GLCCI1: variants seen among roughly 807,000 people sequenced by gnomAD.
GLCCI1 encodes glucocorticoid-induced transcript 1 protein.
GLCCI1 carries 24 observed loss-of-function variants against 52.2 expected under a neutral mutation model. The ratio of observed to expected loss-of-function variants is 0.46; its 90% CI spans 0.33 to 0.65. The LOEUF is 0.65. Ranked by LOEUF, GLCCI1 falls within the 30% of genes least tolerant of loss-of-function variation. GLCCI1 has a pLI of 0.02. For missense variants in GLCCI1, 704 were observed against 701.5 expected (o/e 1.00, Z -0.04); for synonymous variants, 310 against 276.5 (o/e 1.12, Z -1.20).
chr7:8,077,452 A>C (rs1435237942), intron 6 of GLCCI1, among the ~76,000 whole-genome samples: 1 of 152,168 alleles, frequency 6.6e-6, no homozygotes. Context: ...AGATAGACCC[A>C]AACTTAGTGA....
At chr7:8,016,454 G>A (rs754283457) in intron 2 of GLCCI1, among the ~76,000 whole-genome samples, 1 of 152,144 alleles carries the variant, frequency 6.6e-6, no homozygotes. Context: ...GGACGACAGA[G>A]CGAGACTCCA....
At chr7:7,973,119 T>A (rs1444004350) in intron 1 of GLCCI1, among the ~76,000 whole-genome samples, 1 of 152,218 alleles carries the variant, frequency 6.6e-6, no homozygotes, top group Non-Finnish European at 1.5e-5. Flanking sequence ...CTCCCTGTGA[T>A]GTGTTTGTAA....
chr7:8,059,321 G>A (rs1782465911), intron 4 of GLCCI1, among the ~76,000 whole-genome samples: 1 of 152,052 alleles, frequency 6.6e-6, no homozygotes, highest in African/African-American at 2.4e-5. Flanking sequence ...AATATTATTA[G>A]TGTGCTAACC....
rs1289803208 is a variant in GLCCI1 at position 8,067,331 on chromosome 7, G to C, written c.967-3590G>C. 2.0e-5 allele frequency among the ~76,000 whole-genome samples: 3 copies of C among 152,264 alleles called. No individual in the cohort carries two copies. In the East Asian group the frequency reaches 5.8e-4, roughly 29 times the overall value. ...CTGTTTAGTCTTGCTTCTTTATGCA[G>C]CTTGCCAGTTTGCACCTTTTAATTA... is the stretch of plus-strand genomic sequence containing the variant. On this transcript the variant is annotated intron_variant, in intron 5 of 7. Coordinates refer to ENST00000223145, the MANE Select transcript of GLCCI1 (RefSeq NM_138426.4).
At chr7:7,981,601 A>T (rs572742498) in intron 1 of GLCCI1, 1 of 207,126 alleles carries the variant, frequency 4.8e-6, no homozygotes, top group East Asian at 1.6e-4. Flanking sequence ...GGGATTACAG[A>T]TGTATGCTTT....
rs1418700106 is a variant in GLCCI1 at position 8,086,021 on chromosome 7, A to T, written c.1299-172A>T. ...ATACCACTTCAGTGCTGTGTGCATG[A>T]ATAGTCTGCCAGCTGACTTGTGCTA... On this transcript the variant is annotated intron_variant, in intron 7 of 7. Transcript: ENST00000223145. The surrounding 1 kb of genome is among the most constrained non-coding windows in gnomAD (Gnocchi z 4.4). 6.6e-6 allele frequency among the ~76,000 whole-genome samples: 1 copy of T among 152,160 alleles called. No homozygotes were observed.
At position 8,077,763 on chromosome 7, in the gene GLCCI1, A is replaced by G. The variant is rs981048569; in HGVS notation, c.1177+6632A>G. ...TAATTTCCATGGCGTCTACATGCCAACAAAGATATTTTGTAGGAACCTGAT... is the reference window on the plus strand; with the variant it reads ...TAATTTCCATGGCGTCTACATGCCAGCAAAGATATTTTGTAGGAACCTGAT... On this transcript the variant is annotated intron_variant, in intron 6 of 7. Coordinates refer to ENST00000223145, the MANE Select transcript of GLCCI1 (RefSeq NM_138426.4). 2.6e-5 allele frequency among the ~76,000 whole-genome samples: 4 copies of G among 152,236 alleles called. No individual in the cohort carries two copies. In the East Asian group the frequency reaches 7.7e-4, roughly 29 times the overall value.
At chr7:8,075,270 G>A (rs1013021002) in intron 6 of GLCCI1, among the ~76,000 whole-genome samples, 1 of 152,042 alleles carries the variant, frequency 6.6e-6, no homozygotes, top group Non-Finnish European at 1.5e-5. Flanking sequence ...TTGGCGTTTC[G>A]TTTTGATTTT....
intron 1 of GLCCI1, among the ~76,000 whole-genome samples, chr7:7,973,119 T>C (rs1444004350): frequency 1.3e-5 from 2 of 152,218 alleles, no homozygotes; most frequent in African/African-American, 4.8e-5. Flanking sequence ...CTCCCTGTGA[T>C]GTGTTTGTAA....
intron 3 of GLCCI1, among the ~76,000 whole-genome samples, chr7:8,054,307 G>A (rs1228693694): frequency 1.3e-5 from 2 of 152,026 alleles, no homozygotes; most frequent in African/African-American, 4.8e-5. Context: ...TAGAGAGGAA[G>A]GCACACAAAT....
At chr7:8,063,588 C>T (rs1411693236) in intron 5 of GLCCI1, among the ~76,000 whole-genome samples, 5 of 146,654 alleles carry the variant, frequency 3.4e-5, no homozygotes, top group Admixed American at 2.1e-4. Flanking sequence ...AGTGTCTGTG[C>T]GTGTGATTTG....
chr7:8,056,582 A>G (rs1438921633), intron 4 of GLCCI1, among the ~76,000 whole-genome samples: 2 of 152,220 alleles, frequency 1.3e-5, no homozygotes, highest in African/African-American at 4.8e-5. Flanking sequence ...AAGAAACCCA[A>G]GCAGTATATC....
intron 1 of GLCCI1, among the ~76,000 whole-genome samples, chr7:7,994,217 G>A (rs1780897414): frequency 1.3e-5 from 2 of 152,088 alleles, no homozygotes; most frequent in African/African-American, 2.4e-5. Flanking sequence ...TCACACCACT[G>A]CACTCCAGCC....
intron 2 of GLCCI1, among the ~76,000 whole-genome samples, chr7:8,014,961 G>GAC (rs1781346995): frequency 2.6e-5 from 4 of 152,210 alleles, no homozygotes; most frequent in African/African-American, 9.6e-5. Context: ...ACATAAAGCA[G>GAC]TTTCTCTTAA....
At chr7:8,021,748 G>A (rs948585548) in intron 2 of GLCCI1, among the ~76,000 whole-genome samples, 3 of 152,204 alleles carry the variant, frequency 2.0e-5, no homozygotes, top group Non-Finnish European at 4.4e-5. Context: ...CTTAACCACT[G>A]TATGGCATTA....
intron 7 of GLCCI1, 125 bp downstream of exon 7, chr7:8,085,142 TAA>T: frequency 1.9e-6 from 2 of 1,049,000 alleles, no homozygotes; most frequent in Non-Finnish European, 2.8e-6. Flanking sequence ...GCAAATTATG[TAA>T]AGAGAATTGA....
intron 3 of GLCCI1, among the ~76,000 whole-genome samples, chr7:8,052,955 G>C (rs1263658032): frequency 6.6e-6 from 1 of 152,060 alleles, no homozygotes; most frequent in East Asian, 1.9e-4. Flanking sequence ...TTCAGTCCTT[G>C]AGGCAAAAGT....
intron 2 of GLCCI1, among the ~76,000 whole-genome samples, chr7:8,017,901 C>G (rs1277429226): frequency 6.6e-6 from 1 of 152,042 alleles, no homozygotes; most frequent in African/African-American, 2.4e-5. Context: ...TCAGGATAGA[C>G]TTTTCAAAAT....
At chr7:8,023,619 G>A (rs1382439501) in intron 3 of GLCCI1, among the ~76,000 whole-genome samples, 2 of 24,458 alleles carry the variant, frequency 8.2e-5, no homozygotes, top group Non-Finnish European at 1.5e-4. Flanking sequence ...TTTTTTTTGA[G>A]GTGGAATCTC....
Sources: allele counts gnomAD v4.1 joint callset (sites outside exome capture counted in the v4.1 genomes callset), GRCh38; gene constraint gnomAD v4.1.1; non-coding constraint Gnocchi (gnomAD v3.1); transcripts MANE v1.5; gene names NCBI Gene and HGNC (gene_info 2026-07-23, HGNC 2026-07-21).